Variants in KCNQ3 observed in about 807,000 individuals in gnomAD.
KCNQ3 encodes the protein potassium voltage-gated channel subfamily Q member 3.
In KCNQ3, 30 loss-of-function variants were observed where a neutral mutation model predicts 92.5. That is an observed-to-expected ratio of 0.32 (90% CI 0.24 to 0.44). The LOEUF (loss-of-function observed/expected upper bound fraction) is 0.44, where lower values mean the gene tolerates loss of function less well. Ranked by LOEUF, KCNQ3 falls within the 20% of genes least tolerant of loss-of-function variation. The pLI is 1.00. For synonymous variants in KCNQ3, 450 were observed against 468.8 expected (o/e 0.96, Z 0.52); for missense variants, 913 against 1,140.3 (o/e 0.80, Z 2.87).
chr8:132,226,419 G>A (rs750437279), intron 1 of KCNQ3, among the ~76,000 whole-genome samples: 4 of 152,174 alleles, frequency 2.6e-5, no homozygotes, highest in Non-Finnish European at 4.4e-5. Flanking sequence ...GTAAGTGTGG[G>A]CGCGCATGCG....
At chr8:132,331,875 C>T (rs540676644) in intron 1 of KCNQ3, among the ~76,000 whole-genome samples, 2 of 152,130 alleles carry the variant, frequency 1.3e-5, no homozygotes, top group Admixed American at 6.5e-5. Context: ...CGAAGCAGTC[C>T]AGAAGTCTCA....
At chr8:132,443,721 T>G (rs1310676020) in intron 1 of KCNQ3, among the ~76,000 whole-genome samples, 2 of 152,050 alleles carry the variant, frequency 1.3e-5, no homozygotes, top group African/African-American at 4.8e-5. Flanking sequence ...TTTTCTTAAT[T>G]TTGCAGCCAG....
intron 1 of KCNQ3, among the ~76,000 whole-genome samples, chr8:132,318,785 G>A (rs1817813988): frequency 6.6e-6 from 1 of 152,182 alleles, no homozygotes. Flanking sequence ...CAACTCTATG[G>A]GAAACACTGC....
At chr8:132,406,275 C>G (rs1347415321) in intron 1 of KCNQ3, among the ~76,000 whole-genome samples, 3 of 152,054 alleles carry the variant, frequency 2.0e-5, no homozygotes, top group Non-Finnish European at 4.4e-5. Flanking sequence ...CTTGGAATAG[C>G]AGTATTAGAA....
intron 2 of KCNQ3, 148 bp from the exon 3 acceptor site, chr8:132,184,515 G>GC: frequency 3.7e-6 from 2 of 542,144 alleles, no homozygotes; most frequent in East Asian, 5.0e-5. Flanking sequence ...TGGGGGTGGG[G>GC]AAGGGGAACC....
intron 11 of KCNQ3, 38 bp from the exon 12 acceptor site, chr8:132,138,054 G>A: frequency 6.2e-7 from 1 of 1,600,086 alleles, no homozygotes; most frequent in South Asian, 1.1e-5. Context: ...CATCCCATGT[G>A]GAGAGTGCGG....
chr8:132,303,581 G>GATA (rs1563849732), intron 1 of KCNQ3, among the ~76,000 whole-genome samples: 1 of 19,584 alleles, frequency 5.1e-5, no homozygotes, highest in Non-Finnish European at 8.9e-5. Flanking sequence ...TATATATATG[G>GATA]TGTGTGTGTA....
chr8:132,213,035 G>A (rs1286623099), intron 1 of KCNQ3, among the ~76,000 whole-genome samples: 1 of 152,116 alleles, frequency 6.6e-6, no homozygotes, highest in African/African-American at 2.4e-5. Context: ...TTTTCAAAGT[G>A]AACTTATGGA....
intron 8 of KCNQ3, among the ~76,000 whole-genome samples, chr8:132,166,086 G>A (rs894069276): frequency 6.6e-5 from 10 of 152,308 alleles, no homozygotes; most frequent in South Asian, 2.1e-4. Flanking sequence ...CATCGTGGGC[G>A]AAGTCTTCTT....
chr8:132,227,357 G>T (rs545223105), intron 1 of KCNQ3, among the ~76,000 whole-genome samples: 1 of 152,178 alleles, frequency 6.6e-6, no homozygotes, highest in East Asian at 1.9e-4. Flanking sequence ...ACCACACCCG[G>T]CCCCACTGGT....
intron 4 of KCNQ3, among the ~76,000 whole-genome samples, chr8:132,179,398 C>T (rs1350155953): frequency 6.6e-6 from 1 of 152,068 alleles, no homozygotes; most frequent in Non-Finnish European, 1.5e-5. Flanking sequence ...GACACAAACC[C>T]TAGAACTGGA....
intron 11 of KCNQ3, 73 bp from the exon 12 acceptor site, chr8:132,138,089 A>G: frequency 6.5e-7 from 1 of 1,540,130 alleles, no homozygotes; most frequent in South Asian, 1.1e-5. Context: ...AGGCTAGCAA[A>G]CTCCAGGGCA....
intron 1 of KCNQ3, among the ~76,000 whole-genome samples, chr8:132,334,857 T>C (rs994966191): frequency 6.6e-6 from 1 of 152,098 alleles, no homozygotes; most frequent in Non-Finnish European, 1.5e-5. Flanking sequence ...TCAGACCCCA[T>C]CCTTTCTGGC....
chr8:132,181,397 A>T (rs931578471), intron 3 of KCNQ3, among the ~76,000 whole-genome samples: 2 of 152,204 alleles, frequency 1.3e-5, no homozygotes, highest in African/African-American at 4.8e-5. Flanking sequence ...TAGTGTCACT[A>T]ATTTTTTTAT....
At chr8:132,130,093 T>G (rs1824828934) in intron 14 of KCNQ3, 97 bp from the exon 15 acceptor site, 1 of 1,400,450 alleles carries the variant, frequency 7.1e-7, no homozygotes, top group South Asian at 1.3e-5. Context: ...TGTTTTTTTT[T>G]TTTTTTTGAG....
At chr8:132,294,000 G>GTTTTTTTTTTTTTTTTTTTTTTT (rs386414036) in intron 1 of KCNQ3, among the ~76,000 whole-genome samples, 1 of 124,192 alleles carries the variant, frequency 8.1e-6, no homozygotes, top group African/African-American at 3.1e-5. Context: ...TGTGTGTGTG[G>GTTTTTTTTTTTTTTTTTTTTTTT]TTTTTTTTTT....
At chr8:132,466,482 G>A (rs1439714698) in intron 1 of KCNQ3, among the ~76,000 whole-genome samples, 6 of 152,138 alleles carry the variant, frequency 3.9e-5, no homozygotes, top group South Asian at 2.1e-4. Flanking sequence ...CAGGAGCACC[G>A]CTTAGGCAGT....
chr8:132,329,194 C>T (rs150165343), intron 1 of KCNQ3, among the ~76,000 whole-genome samples: 2 of 152,186 alleles, frequency 1.3e-5, no homozygotes, highest in Non-Finnish European at 2.9e-5. Flanking sequence ...GGGCAACAGG[C>T]AGGACCTTTG....
At chr8:132,342,222 T>C (rs73343821) in intron 1 of KCNQ3, among the ~76,000 whole-genome samples, 1,936 of 152,256 alleles carry the variant, frequency 0.013, 49 homozygotes, top group African/African-American at 0.044. Flanking sequence ...ACCCTCTCTC[T>C]TTCTTTCACC....
Sources: gnomAD v4.1 joint callset for allele counts (sites outside exome capture counted in the v4.1 genomes callset) on GRCh38, gnomAD v4.1.1 for gene constraint, MANE v1.5 for transcripts, NCBI Gene and HGNC (gene_info 2026-07-23, HGNC 2026-07-21) for gene names.